TUBG2: variants seen among roughly 807,000 people sequenced by gnomAD.
TUBG2 encodes the protein tubulin gamma-2 chain.
In TUBG2, 39 loss-of-function variants were observed where a neutral mutation model predicts 55.1. That is an observed-to-expected ratio of 0.71 (90% CI 0.55 to 0.93). TUBG2 has a LOEUF of 0.93. TUBG2 is among the 40% of genes least tolerant of loss of function. TUBG2 has a pLI of 0.00. For missense variants in TUBG2, 358 were observed against 599.1 expected (o/e 0.60, Z 4.20); for synonymous variants, 223 against 241.0 (o/e 0.93, Z 0.69).
rs891734859 is a variant in TUBG2 at position 42,666,986 on chromosome 17, T to TA, written c.*189dup. 4.8e-6 allele frequency: 3 copies of TA among 625,116 alleles called. No homozygotes were observed. The highest frequency in any genetic ancestry group is 6.0e-5 in the Admixed American group (2 of 33,494). 38.7% of individuals were successfully genotyped at this position (625,116 alleles called of 1,614,324 possible). A position where few individuals can be genotyped will look rare whatever the true frequency, so the allele number is the denominator to read the frequency against. On this transcript the variant is annotated 3_prime_UTR_variant, in exon 11 of 11. Coordinates refer to ENST00000251412, the MANE Select transcript of TUBG2 (RefSeq NM_016437.3). ...TGCTTGTTCAGCTCTAATAAAGTAA[T>TA]AAAGCTTGGTTGTCAGTATAGCCAG...
rs1208517660 is a variant in TUBG2 at position 42,659,706 on chromosome 17, G to A, written c.50-128G>A. 3.6e-6 allele frequency: 5 copies of A among 1,398,068 alleles called. No individual in the cohort carries two copies. The East Asian group carries it at 7.3e-5, about 20-fold the overall frequency. 86.6% of individuals were successfully genotyped at this position (1,398,068 alleles called of 1,614,324 possible). A position where few individuals can be genotyped will look rare whatever the true frequency, so the allele number is the denominator to read the frequency against. On this transcript the variant is annotated intron_variant, in intron 1 of 10. Transcript: ENST00000251412. ...GACCGAGAGCTGCGCCTCCAGCCCGGGGCTGGGGCAGCTACCAAACCCAGG... is the reference window on the plus strand; with the variant it reads ...GACCGAGAGCTGCGCCTCCAGCCCGAGGCTGGGGCAGCTACCAAACCCAGG...
chr17:42,660,508 G>A (rs2052358390), intron 3 of TUBG2, 131 bp from the exon 4 acceptor site: 2 of 1,281,690 alleles, frequency 1.6e-6, no homozygotes, highest in Non-Finnish European at 2.2e-6. Flanking sequence ...TCTGGGTTGA[G>A]GGCTACAGCC....
At chr17:42,660,608 C>T (rs748512597) in intron 3 of TUBG2, 31 bp from the exon 4 acceptor site, 4 of 1,600,598 alleles carry the variant, frequency 2.5e-6, no homozygotes, top group Admixed American at 1.7e-5. Flanking sequence ...GAACCTTTGG[C>T]CTGACCCTCC....
At position 42,666,638 on chromosome 17, in the gene TUBG2, G is replaced by T. The variant is rs1567951674; in HGVS notation, c.1194G>T (p.Leu398=). 6.2e-7 allele frequency: 1 copy of T among 1,614,180 alleles called. No individual in the cohort carries two copies. Among genetic ancestry groups the T allele is most frequent in the South Asian group, 1.1e-5 (1 of 91,078 alleles). ...GTTCCTGCCAGCAGTTTGACAAGCTGCGGAAGCGGGATGCCTTCCTCGAGC... is the reference window on the plus strand; with the variant it reads ...GTTCCTGCCAGCAGTTTGACAAGCTTCGGAAGCGGGATGCCTTCCTCGAGC... ...FESSCQQFDK[L]RKRDAFLEQF... Residue 398 remains leucine (L), a synonymous_variant, in exon 11 of 11, where the codon CTG becomes CTT. Coordinates refer to ENST00000251412, the MANE Select transcript of TUBG2 (RefSeq NM_016437.3).
intron 6 of TUBG2, among the ~76,000 whole-genome samples, chr17:42,664,478 A>G (rs1409613908): frequency 6.6e-6 from 1 of 152,000 alleles, no homozygotes; most frequent in Non-Finnish European, 1.5e-5. Flanking sequence ...CAAAGTGAAT[A>G]TACCTTCCCC....
intron 6 of TUBG2, among the ~76,000 whole-genome samples, chr17:42,663,942 CAA>C (rs376456859): frequency 1.5e-5 from 2 of 130,112 alleles, no homozygotes; most frequent in Non-Finnish European, 1.6e-5. Flanking sequence ...GACTCTGTCT[CAA>C]AAAAAAAAAA....
intron 10 of TUBG2, 29 bp from the exon 11 acceptor site, chr17:42,666,574 C>T (rs745570422): frequency 1.9e-5 from 30 of 1,614,132 alleles, no homozygotes; most frequent in East Asian, 6.7e-5. Context: ...CCCCCTGGCT[C>T]GCATTTTGGA....
rs1284706042 is a variant in TUBG2 at position 42,666,846 on chromosome 17, C to T, written c.*46C>T. On this transcript the variant is annotated 3_prime_UTR_variant, in exon 11 of 11. Coordinates refer to ENST00000251412, the MANE Select transcript of TUBG2 (RefSeq NM_016437.3). ...TCTCCTTCTAGATGGTAACCACAGC[C>T]TCGACCATGCCTGCTCCCTCTGACC... 1.2e-6 allele frequency: 2 copies of T among 1,604,422 alleles called. No individual in the cohort carries two copies. Among genetic ancestry groups the T allele is most frequent in the African/African-American group, 2.7e-5 (2 of 74,696 alleles).
chr17:42,660,968 C>T, intron 4 of TUBG2: 1 of 421,770 alleles, frequency 2.4e-6, no homozygotes, highest in South Asian at 2.8e-5. Context: ...GAGCCTCAGC[C>T]TGGATGCATA....
Position 42,663,010 on chromosome 17 carries a change from G to A in TUBG2, c.437G>A (p.Gly146Asp). 1 of 1,614,152 alleles carries A rather than the reference G, an allele frequency of 6.2e-7. No homozygotes were observed. Among genetic ancestry groups the A allele is most frequent in the Non-Finnish European group, 8.5e-7 (1 of 1,180,012 alleles). The part of the protein sequence containing the change: ...VLCHSIAGGT[G>D]SGLGSYLLER... ...TGTCACTCCATCGCTGGGGGTACGG[G>A]TTCTGGCCTGGGCTCCTACCTCCTG... is the stretch of plus-strand genomic sequence containing the variant. The change falls in exon 5 of 11, where the codon GGT becomes GAT. Residue 146 changes from glycine to aspartate, a missense_variant. Gly to Asp is a moderately conservative substitution (Grantham distance 94). Around this residue, in one of 8 missense-constraint regions of TUBG2, gnomAD observed 40 missense variants for 40.4 expected, o/e 0.99. Coordinates refer to ENST00000251412, the MANE Select transcript of TUBG2 (RefSeq NM_016437.3).
chr17:42,663,274 A>G, intron 5 of TUBG2, 103 bp from the exon 6 acceptor site: 1 of 1,531,954 alleles, frequency 6.5e-7, no homozygotes, highest in Non-Finnish European at 8.8e-7. Context: ...TTTGGCTCTG[A>G]AGACTCAGTT....
chr17:42,663,539 G>A (rs527325140), intron 6 of TUBG2, 36 bp downstream of exon 6: 5 of 1,611,502 alleles, frequency 3.1e-6, no homozygotes, highest in African/African-American at 1.3e-5. Flanking sequence ...TGGGTGTGGT[G>A]GCTCATGCCT....
rs1409110046 is a variant in TUBG2, at chr17:42,666,225, G to A, written c.982G>A (p.Val328Met). The A allele has an allele frequency of 1.9e-6, 3 of 1,613,856 alleles. No individual in the cohort carries two copies. Among genetic ancestry groups the A allele is most frequent in the African/African-American group, 1.3e-5 (1 of 74,926 alleles). The change falls in exon 9 of 11, where the codon GTG (valine) becomes ATG (methionine). Residue 328 changes from valine to methionine, a missense_variant. Val to Met is a conservative substitution (Grantham distance 21). Around this residue, in one of 8 missense-constraint regions of TUBG2, gnomAD observed 129 missense variants for 251.6 expected, o/e 0.51. Transcript: ENST00000251412. Reference sequence around the variant, plus strand: ...CATCCTCAACATCATCCAGGGAGAGGTGGACCCCACCCAGGTAGGGGAGGC... The same window carrying A: ...CATCCTCAACATCATCCAGGGAGAGATGGACCCCACCCAGGTAGGGGAGGC... The part of the protein sequence containing the change: ...IAILNIIQGE[V>M]DPTQVHKSLQ...
At chr17:42,661,137 A>T (rs1293805959) in intron 4 of TUBG2, 1 of 175,448 alleles carries the variant, frequency 5.7e-6, no homozygotes, top group Non-Finnish European at 1.2e-5. Context: ...TTCCTAAGGG[A>T]CTAGAGCAAT....
chr17:42,666,157 T>C lies in TUBG2; in HGVS notation c.914T>C (p.Val305Ala), dbSNP rs771266609. 1.2e-6 allele frequency: 2 copies of C among 1,613,962 alleles called. No individual in the cohort carries two copies. Among genetic ancestry groups the C allele is most frequent in the African/African-American group, 1.3e-5 (1 of 75,040 alleles). ...RRLLQPKNVM[V>A]STGRDRQTNH... ...CTGCTGCAGCCCAAGAACGTGATGG[T>C]GTCCACAGGCCGAGACCGCCAGACC... Residue 305 changes from valine to alanine, a missense_variant, in exon 9 of 11, where the codon GTG becomes GCG. This residue lies in a region of TUBG2 where 129 missense variants were observed against 251.6 expected (regional missense o/e 0.51). Transcript: ENST00000251412.
Position 42,659,953 on chromosome 17 carries a change from C to G in TUBG2, c.162+7C>G. 1 of 1,600,758 alleles carries G rather than the reference C, an allele frequency of 6.2e-7. No homozygotes were observed. Among genetic ancestry groups the G allele is most frequent in the South Asian group, 1.1e-5 (1 of 90,392 alleles). Reference sequence around the variant, plus strand: ...GGACGTCTTTTTCTACCAGGTGCCCCCAGCGACTTGGCCGGGGGCGGCAGT... The same window carrying G: ...GGACGTCTTTTTCTACCAGGTGCCCGCAGCGACTTGGCCGGGGGCGGCAGT... On this transcript the variant is annotated splice_region_variant and intron_variant, in intron 2 of 10. Transcript: ENST00000251412.
At chr17:42,664,852 T>A (rs9747643) in intron 6 of TUBG2, among the ~76,000 whole-genome samples, 177 of 13,014 alleles carry the variant, frequency 0.014, 1 homozygote, top group African/African-American at 0.075. Flanking sequence ...TTATTTATAT[T>A]TATATATATA....
chr17:42,666,959 T>C lies in TUBG2; in HGVS notation c.*159T>C. ...CTCCCTTCCATGCCCTAACTTTTAA[T>C]ATGCTTGTTCAGCTCTAATAAAGTA... is the stretch of plus-strand genomic sequence containing the variant. On this transcript the variant is annotated 3_prime_UTR_variant, in exon 11 of 11. Transcript: ENST00000251412. 1 of 698,790 alleles carries C rather than the reference T, an allele frequency of 1.4e-6. No homozygotes were observed. Among genetic ancestry groups the C allele is most frequent in the Non-Finnish European group, 2.4e-6 (1 of 420,576 alleles). 43.3% of individuals were successfully genotyped at this position (698,790 alleles called of 1,614,324 possible).
chr17:42,665,336 C>T (rs747872512), intron 6 of TUBG2, 140 bp from the exon 7 acceptor site: 456 of 1,342,806 alleles, frequency 3.4e-4, no homozygotes, highest in Non-Finnish European at 4.4e-4. Context: ...CATGAGCCAC[C>T]GCGCCCGGCC....
Sources: allele counts gnomAD v4.1 joint callset (sites outside exome capture counted in the v4.1 genomes callset), GRCh38; gene constraint gnomAD v4.1.1; regional missense constraint gnomAD v4.1.1; transcripts MANE v1.5; gene names NCBI Gene and HGNC (gene_info 2026-07-23, HGNC 2026-07-21).